AMMECR1: variants seen among roughly 807,000 people sequenced by gnomAD.
AMMECR1 encodes the protein AMMECR nuclear protein 1.
In AMMECR1, 3 loss-of-function variants were observed where a neutral mutation model predicts 22.5. The ratio of observed to expected loss-of-function variants is 0.13; its 90% CI spans 0.06 to 0.35. The LOEUF (loss-of-function observed/expected upper bound fraction) is 0.35. Among genes scored for constraint, AMMECR1 ranks in the 10% least tolerant of loss-of-function variants. The pLI, the probability that AMMECR1 is intolerant of heterozygous loss-of-function variation, is 1.00. For missense variants in AMMECR1, 235 were observed against 278.7 expected, an observed-to-expected ratio of 0.84 and a Z score of 1.12; for synonymous variants, 130 against 116.7, an observed-to-expected ratio of 1.11 and a Z score of -0.74.
At chrX:110,399,588 A>G (rs963136911) in intron 2 of AMMECR1, among the ~76,000 whole-genome samples, 1 of 112,585 alleles carries the variant, frequency 8.9e-6, no homozygotes, top group African/African-American at 3.2e-5. Flanking sequence ...ATTAGATGTG[A>G]TACAAATTGA....
chrX:110,195,779 T>C lies in AMMECR1; in HGVS notation c.*2741A>G, dbSNP rs1411210364. 2 of 112,481 alleles carry C rather than the reference T, an allele frequency of 1.8e-5. No homozygotes were observed. The highest frequency in any genetic ancestry group is 1.9e-4 in the Admixed American group (2 of 10,627). 9.3% of individuals were successfully genotyped at this position (112,481 alleles called of 1,213,427 possible). ...TTTCAACATGTTCAAAGTTAATTCATACCACATAATTAACAGCTTTGTATA... is the reference window on the plus strand; with the variant it reads ...TTTCAACATGTTCAAAGTTAATTCACACCACATAATTAACAGCTTTGTATA... On this transcript the variant is annotated 3_prime_UTR_variant, in exon 6 of 6. Transcript: ENST00000262844.
chrX:110,311,601 A>G (rs1231076350), intron 1 of AMMECR1, among the ~76,000 whole-genome samples: 1 of 111,920 alleles, frequency 8.9e-6, no homozygotes, highest in Non-Finnish European at 1.9e-5. Flanking sequence ...CTGAAACATT[A>G]AGAGCTGTAG....
At chrX:110,231,007 C>A (rs1287383380) in intron 2 of AMMECR1, among the ~76,000 whole-genome samples, 1 of 111,869 alleles carries the variant, frequency 8.9e-6, no homozygotes, top group African/African-American at 3.2e-5. Flanking sequence ...CAAACAAAGC[C>A]TCCAAGAAAT....
intron 1 of AMMECR1, among the ~76,000 whole-genome samples, chrX:110,286,919 A>G (rs2067883419): frequency 9.0e-6 from 1 of 111,371 alleles, no homozygotes; most frequent in Non-Finnish European, 1.9e-5. Flanking sequence ...AGGTGCTTCA[A>G]TACTAAATTA....
intron 1 of AMMECR1, among the ~76,000 whole-genome samples, chrX:110,265,813 T>C (rs912718503): frequency 3.6e-5 from 4 of 112,029 alleles, no homozygotes; most frequent in African/African-American, 1.3e-4. Context: ...AAATACTCTT[T>C]AGTGAGTCAT....
At chrX:110,360,469 T>G (rs1239425714) in intron 2 of AMMECR1, among the ~76,000 whole-genome samples, 1 of 111,448 alleles carries the variant, frequency 9.0e-6, no homozygotes, top group South Asian at 3.8e-4. Context: ...GATGTTATCT[T>G]GAACTAGATT....
Position 110,406,267 on chromosome X carries a change from G to A in AMMECR1, c.-148+20391C>T, listed in dbSNP as rs751884096. Among the ~76,000 whole-genome samples the A allele has an allele frequency of 2.8e-3, 182 of 65,480 alleles. 1 individual carries two copies. Among genetic ancestry groups the A allele is most frequent in the Middle Eastern group, 0.018 (3 of 166 alleles). The allele number at this position is 65,480 out of a possible 115,157, so 56.9% of individuals were successfully genotyped here. A position where few individuals can be genotyped will look rare whatever the true frequency, so the allele number is the denominator to read the frequency against. Reference sequence around the variant, plus strand: ...TGCTATCCCTCCCCTAGCCCCCCACGCCCCACAGGCCCCGGTGTGTGATGT... The same window carrying A: ...TGCTATCCCTCCCCTAGCCCCCCACACCCCACAGGCCCCGGTGTGTGATGT... On this transcript the variant is annotated intron_variant, in intron 2 of 7. Transcript: ENST00000372057.
intron 1 of AMMECR1, among the ~76,000 whole-genome samples, chrX:110,303,239 C>G (rs1031411697): frequency 9.0e-6 from 1 of 111,362 alleles, no homozygotes; most frequent in Non-Finnish European, 1.9e-5. Context: ...AATCAGGGCC[C>G]GTTAGACCTA....
intron 2 of AMMECR1, among the ~76,000 whole-genome samples, chrX:110,343,649 AG>A (rs1352390424): frequency 1.3e-4 from 15 of 111,598 alleles, no homozygotes; most frequent in African/African-American, 4.9e-4. Flanking sequence ...GGAAAGTCTC[AG>A]GATACAAAAT....
chrX:110,374,186 T>C (rs1478538368), intron 2 of AMMECR1, among the ~76,000 whole-genome samples: 5 of 111,762 alleles, frequency 4.5e-5, no homozygotes, highest in Admixed American at 1.9e-4. Flanking sequence ...TAAAGACAAA[T>C]TGATACCCTG....
At chrX:110,374,078 GA>G (rs1460082903) in intron 2 of AMMECR1, among the ~76,000 whole-genome samples, 1 of 111,791 alleles carries the variant, frequency 8.9e-6, no homozygotes, top group Non-Finnish European at 1.9e-5. Context: ...AAAAAAATAG[GA>G]AGAGATAATA....
At chrX:110,367,998 A>ATTC (rs1370608793) in intron 2 of AMMECR1, among the ~76,000 whole-genome samples, 1 of 102,495 alleles carries the variant, frequency 9.8e-6, no homozygotes, top group African/African-American at 3.5e-5. Flanking sequence ...TATTATTATT[A>ATTC]TTATTATTAT....
intron 2 of AMMECR1, among the ~76,000 whole-genome samples, chrX:110,218,309 G>T (rs1302797984): frequency 9.0e-6 from 1 of 111,211 alleles, no homozygotes; most frequent in Non-Finnish European, 1.9e-5. Flanking sequence ...AAGAGTAAAA[G>T]ACACATCATT....
chrX:110,251,692 G>T (rs1031809265), intron 2 of AMMECR1, among the ~76,000 whole-genome samples: 1 of 111,930 alleles, frequency 8.9e-6, no homozygotes, highest in African/African-American at 3.3e-5. Context: ...AGAGGATGGG[G>T]TGGATTCAAG....
At chrX:110,345,266 G>A (rs1166319473) in intron 2 of AMMECR1, among the ~76,000 whole-genome samples, 1 of 109,574 alleles carries the variant, frequency 9.1e-6, no homozygotes, top group Non-Finnish European at 1.9e-5. Flanking sequence ...AACACCGCAT[G>A]TTCTCACTCA....
intron 2 of AMMECR1, among the ~76,000 whole-genome samples, chrX:110,230,222 G>A (rs962005306): frequency 1.4e-4 from 16 of 112,648 alleles, no homozygotes; most frequent in African/African-American, 5.2e-4. Context: ...CCTGACCCCC[G>A]TGTAGCCTAA....
Position 110,317,855 on chromosome X carries a change from G to A in AMMECR1, c.217C>T (p.Pro73Ser), listed in dbSNP as rs747846216. ...CCGCCGCCGCCGCCGCAGCCCTGGG[G>A]GGGAGAGAGGGTACAGCCGCTGCCG... ...GSGSGCTLSPPQGCGGGGGGI... is the reference protein window; with the variant it reads ...GSGSGCTLSPSQGCGGGGGGI... The change falls in exon 1 of 6, where the codon CCC becomes TCC. Residue 73 changes from proline to serine, a missense_variant. Physicochemically the swap from Pro to Ser is moderately conservative, Grantham distance 74. Coordinates refer to ENST00000262844, the MANE Select transcript of AMMECR1 (RefSeq NM_015365.3). The A allele has an allele frequency of 5.1e-6, 6 of 1,173,272 alleles. No individual in the cohort carries two copies. Among genetic ancestry groups the A allele is most frequent in the East Asian group, 6.3e-5 (2 of 31,897 alleles).
At position 110,212,977 on chromosome X, in the gene AMMECR1, G is replaced by GT. The variant is rs775783966; in HGVS notation, c.699+3540dup. Reference sequence around the variant, plus strand: ...TAACAGTAGTTATTCTCAGAATGGTGTAATTATAAATGACTCACATTTCTC... The same window carrying GT: ...TAACAGTAGTTATTCTCAGAATGGTGTTAATTATAAATGACTCACATTTCTC... On this transcript the variant is annotated intron_variant, in intron 3 of 5. Coordinates refer to ENST00000262844, the MANE Select transcript of AMMECR1 (RefSeq NM_015365.3). Among the ~76,000 whole-genome samples the GT allele has an allele frequency of 3.4e-3, 384 of 111,777 alleles. 4 individuals carry two copies. The highest frequency in any genetic ancestry group is 0.012 in the African/African-American group (366 of 30,838).
chrX:110,348,662 T>A (rs915480934), intron 2 of AMMECR1, among the ~76,000 whole-genome samples: 4 of 112,295 alleles, frequency 3.6e-5, no homozygotes, highest in Non-Finnish European at 7.5e-5. Flanking sequence ...TGGAAAGATA[T>A]CAAAAATATA....
Sources: allele counts gnomAD v4.1 joint callset (sites outside exome capture counted in the v4.1 genomes callset), GRCh38; gene constraint gnomAD v4.1.1; transcripts MANE v1.5; gene names NCBI Gene and HGNC (gene_info 2026-07-23, HGNC 2026-07-21).